Variants in EYS observed in about 807,000 individuals in gnomAD.
EYS encodes the protein protein eyes shut homolog.
In EYS, 250 loss-of-function variants were observed where a neutral mutation model predicts 282.1. The ratio of observed to expected loss-of-function variants is 0.89; its 90% CI spans 0.80 to 0.98. The LOEUF is 0.98. Among genes scored for constraint, EYS ranks in the 50% least tolerant of loss-of-function variants. The pLI, the probability that EYS is intolerant of heterozygous loss-of-function variation, is 0.00. For synonymous variants in EYS, 1,355 were observed against 1,282.9 expected (o/e 1.06, Z -1.20); for missense variants, 4,016 against 3,709.0 (o/e 1.08, Z -2.15).
chr6:64,591,665 T>A lies in EYS; in HGVS notation c.4202A>T (p.Asp1401Val). Reference protein sequence around the residue: ...TPFIMSSLMSDFIFPTQSLLF... With the variant: ...TPFIMSSLMSVFIFPTQSLLF... ...TAAAGATTGTGTAGGAAAAATAAAA[T>A]CTGACATTAAGGAAGACATGATAAA... The change falls in exon 26 of 43, where the codon GAT becomes GTT. Residue 1401 changes from aspartate to valine, a missense_variant. Transcript: ENST00000503581. 6.4e-7 allele frequency: 1 copy of A among 1,551,196 alleles called. No homozygotes were observed. The highest frequency in any genetic ancestry group is 8.7e-7 in the Non-Finnish European group (1 of 1,146,724).
chr6:64,187,404 G>C (rs951092130), intron 31 of EYS, among the ~76,000 whole-genome samples: 3 of 152,042 alleles, frequency 2.0e-5, no homozygotes, highest in African/African-American at 7.2e-5. Flanking sequence ...ATCTATTCTA[G>C]AGAAATCATG....
chr6:65,178,526 A>G (rs1316346269), intron 12 of EYS, among the ~76,000 whole-genome samples: 6 of 151,978 alleles, frequency 3.9e-5, no homozygotes, highest in Non-Finnish European at 7.4e-5. Flanking sequence ...CTAAATATAT[A>G]TGCACCCAAT....
chr6:65,350,938 C>A (rs1461009270), intron 9 of EYS, among the ~76,000 whole-genome samples: 2 of 151,556 alleles, frequency 1.3e-5, no homozygotes, highest in Non-Finnish European at 3.0e-5. Context: ...AATTAATGCA[C>A]CCCATGCAAA....
chr6:64,055,626 A>G (rs576605394), intron 33 of EYS, among the ~76,000 whole-genome samples: 1 of 152,284 alleles, frequency 6.6e-6, no homozygotes, highest in African/African-American at 2.4e-5. Context: ...TTCTAATGAT[A>G]TATCAGTGAG....
At position 64,482,246 on chromosome 6, in the gene EYS, C is replaced by T. The variant is rs185981631; in HGVS notation, c.5645-42894G>A. 7.0e-3 allele frequency among the ~76,000 whole-genome samples: 1,064 copies of T among 151,752 alleles called. 3 individuals carry two copies. The highest frequency in any genetic ancestry group is 0.01 in the Non-Finnish European group (708 of 67,744). The stretch of plus-strand genomic sequence containing the variant: ...AGCCTGTCCATTCCTGATCCACTCA[C>T]TTACAAGGGGAATAGGGTCAATATT... On this transcript the variant is annotated intron_variant, in intron 26 of 42. Transcript: ENST00000503581.
chr6:63,843,776 C>G (rs775992932), intron 36 of EYS, among the ~76,000 whole-genome samples: 9 of 152,098 alleles, frequency 5.9e-5, no homozygotes, highest in Non-Finnish European at 1.0e-4. Flanking sequence ...AGAAATAAAG[C>G]GTATTCAAAT....
At chr6:64,768,135 C>T (rs141624524) in intron 22 of EYS, among the ~76,000 whole-genome samples, 1 of 151,834 alleles carries the variant, frequency 6.6e-6, no homozygotes, top group East Asian at 1.9e-4. Context: ...TGAAAAATAA[C>T]AAAATAGCAA....
At chr6:65,507,136 A>G (rs1766690167) in intron 2 of EYS, among the ~76,000 whole-genome samples, 1 of 151,802 alleles carries the variant, frequency 6.6e-6, no homozygotes. Context: ...AATCTCTCAG[A>G]TTTTGTTAGT....
Position 64,157,439 on chromosome 6 carries a change from C to A in EYS, c.6424+73153G>T, listed in dbSNP as rs564745015. ...CAGCTGCAGGAATTTGCATAAGTGA[C>A]AAGGAGCCAAATATTAATCCCCAAG... On this transcript the variant is annotated intron_variant, in intron 31 of 42. Coordinates refer to ENST00000503581, the MANE Select transcript of EYS (RefSeq NM_001142800.2). Among the ~76,000 whole-genome samples, 9 of 152,262 alleles carry A rather than the reference C, an allele frequency of 5.9e-5. No homozygotes were observed. The East Asian group carries it at 1.7e-3, about 29-fold the overall frequency.
At chr6:65,605,835 T>C (rs912964034) in intron 2 of EYS, among the ~76,000 whole-genome samples, 1 of 151,788 alleles carries the variant, frequency 6.6e-6, no homozygotes. Flanking sequence ...TATTTATATA[T>C]GATTGTATGC....
At chr6:63,786,390 T>G (rs1051434968) in intron 39 of EYS, among the ~76,000 whole-genome samples, 1 of 152,118 alleles carries the variant, frequency 6.6e-6, no homozygotes, top group Non-Finnish European at 1.5e-5. Context: ...TATGATTAAT[T>G]AATGTGGTGG....
intron 8 of EYS, among the ~76,000 whole-genome samples, chr6:65,361,269 C>T (rs6455041): frequency 0.41 from 61,719 of 151,392 alleles, 12,726 homozygotes; most frequent in Non-Finnish European, 0.46. Flanking sequence ...TGTTAAATGA[C>T]GAGTTACTGG....
chr6:64,494,540 A>T (rs1405235656), intron 26 of EYS, among the ~76,000 whole-genome samples: 1 of 151,550 alleles, frequency 6.6e-6, no homozygotes, highest in Non-Finnish European at 1.5e-5. Context: ...ACGTAATGAC[A>T]TCCAAATAAA....
At chr6:63,796,367 T>C (rs533019174) in intron 37 of EYS, among the ~76,000 whole-genome samples, 2 of 152,322 alleles carry the variant, frequency 1.3e-5, no homozygotes, top group Admixed American at 1.3e-4. Context: ...AACATTTATA[T>C]AGACAGTGCT....
rs34632243 is a variant in EYS at position 64,120,357 on chromosome 6, T to TAA, written c.6425-38357_6425-38356dup. 5.1e-4 allele frequency among the ~76,000 whole-genome samples: 39 copies of TAA among 76,758 alleles called. 1 individual carries two copies. Among genetic ancestry groups the TAA allele is most frequent in the South Asian group, 4.7e-3 (9 of 1,922 alleles). 50.4% of individuals were successfully genotyped at this position (76,758 alleles called of 152,430 possible). On this transcript the variant is annotated intron_variant, in intron 31 of 42. Transcript: ENST00000503581. ...GGTGACAGAGCGAGACTCCATCTCT[T>TAA]AAAAAAAAAAAAAAAAAAAAAAAAA...
intron 12 of EYS, among the ~76,000 whole-genome samples, chr6:65,192,639 C>T (rs889662239): frequency 1.3e-5 from 2 of 151,434 alleles, no homozygotes; most frequent in African/African-American, 4.9e-5. Context: ...GTAGTTTGTC[C>T]CCACTAAAAC....
Position 63,721,140 on chromosome 6 carries a change from T to G in EYS, c.8891A>C (p.Tyr2964Ser). The G allele has an allele frequency of 6.4e-7, 1 of 1,551,542 alleles. No homozygotes were observed. The highest frequency in any genetic ancestry group is 8.7e-7 in the Non-Finnish European group (1 of 1,146,802). Residue 2964 changes from tyrosine to serine, a missense_variant, in exon 43 of 43, where the codon TAC becomes TCC. Physicochemically the swap from Tyr to Ser is moderately radical, Grantham distance 144. Coordinates refer to ENST00000503581, the MANE Select transcript of EYS (RefSeq NM_001142800.2). ...FSTAKFMGNS[Y>S]IKYIDPNYRM... is the part of the protein sequence containing the mutation. ...ATAATTTGGATCAATGTATTTAATGTAAGAATTACCCATAAATTTTGCAGT... is the reference window on the plus strand; with the variant it reads ...ATAATTTGGATCAATGTATTTAATGGAAGAATTACCCATAAATTTTGCAGT...
At chr6:63,774,525 C>CTA (rs1770013831) in intron 40 of EYS, among the ~76,000 whole-genome samples, 1 of 152,106 alleles carries the variant, frequency 6.6e-6, no homozygotes, top group Non-Finnish European at 1.5e-5. Flanking sequence ...TCACAGGTTA[C>CTA]TATACAACAT....
intron 30 of EYS, among the ~76,000 whole-genome samples, chr6:64,279,858 C>T (rs925531784): frequency 6.6e-6 from 1 of 152,166 alleles, no homozygotes. Flanking sequence ...CCTGCAGAAT[C>T]ACATATTTTA....
Sources: allele counts gnomAD v4.1 joint callset (sites outside exome capture counted in the v4.1 genomes callset), GRCh38; gene constraint gnomAD v4.1.1; transcripts MANE v1.5; gene names NCBI Gene and HGNC (gene_info 2026-07-23, HGNC 2026-07-21).